The following TOP1 variants were observed in gnomAD, a reference collection of about 807,000 sequenced individuals.
TOP1 encodes the protein DNA topoisomerase I.
A neutral mutation model predicts 111.1 loss-of-function variants in TOP1; 10 were observed. The ratio of observed to expected loss-of-function variants is 0.09; its 90% CI spans 0.06 to 0.15. The LOEUF is 0.15. Ranked by LOEUF, TOP1 falls within the 10% of genes least tolerant of loss-of-function variation. The pLI is 1.00. For missense variants in TOP1, 474 were observed against 926.7 expected, an observed-to-expected ratio of 0.51 and a Z score of 6.34; for synonymous variants, 271 against 302.9, an observed-to-expected ratio of 0.89 and a Z score of 1.10.
At position 41,097,126 on chromosome 20, in the gene TOP1, C is replaced by A; in HGVS notation, c.731-94C>A. The stretch of plus-strand genomic sequence containing the variant: ...CAGACCTTTATATACCATGAGAAGG[C>A]AAACCATTATTAAAGAGAATTCGCT... On this transcript the variant is annotated intron_variant, in intron 9 of 20. Transcript: ENST00000361337. The surrounding 1 kb of genome is among the most constrained non-coding windows in gnomAD (Gnocchi z 4.2). 3 of 1,413,646 alleles carry A rather than the reference C, an allele frequency of 2.1e-6. No individual in the cohort carries two copies. The highest frequency in any genetic ancestry group is 1.3e-5 in the South Asian group (1 of 74,634). 87.6% of individuals were successfully genotyped at this position (1,413,646 alleles called of 1,614,324 possible). A position where few individuals can be genotyped will look rare whatever the true frequency, so the allele number is the denominator to read the frequency against.
Position 41,122,270 on chromosome 20 carries a change from G to A in TOP1, c.2195+115G>A. ...CCTAAGCTACACACTTTAGTCCTCTGGGGAAACTTCTGGCTTCAGCTGTGT... is the reference window on the plus strand; with the variant it reads ...CCTAAGCTACACACTTTAGTCCTCTAGGGAAACTTCTGGCTTCAGCTGTGT... On this transcript the variant is annotated intron_variant, in intron 20 of 20. Coordinates refer to ENST00000361337, the MANE Select transcript of TOP1 (RefSeq NM_003286.4). The surrounding 1 kb of genome is among the most constrained non-coding windows in gnomAD (Gnocchi z 5.4). 1 of 1,125,764 alleles carries A rather than the reference G, an allele frequency of 8.9e-7. No individual in the cohort carries two copies. The highest frequency in any genetic ancestry group is 1.3e-6 in the Non-Finnish European group (1 of 775,394). 69.7% of individuals were successfully genotyped at this position (1,125,764 alleles called of 1,614,324 possible).
intron 2 of TOP1, among the ~76,000 whole-genome samples, chr20:41,036,346 A>G (rs914448794): frequency 5.9e-5 from 9 of 152,208 alleles, no homozygotes; most frequent in African/African-American, 2.2e-4. Context: ...AGCTGTGGTA[A>G]AATAGAAAAT....
chr20:41,117,411 G>A (rs1366828164), intron 17 of TOP1, among the ~76,000 whole-genome samples: 10 of 110,756 alleles, frequency 9.0e-5, no homozygotes, highest in East Asian at 4.8e-4. Flanking sequence ...TTTTTGAGAC[G>A]GAGTCTTGCT....
At chr20:41,064,606 C>T (rs143043568) in intron 3 of TOP1, among the ~76,000 whole-genome samples, 104 of 152,218 alleles carry the variant, frequency 6.8e-4, no homozygotes, top group African/African-American at 2.4e-3. Context: ...TTTCTGATGC[C>T]GCTAAGCCTT....
At chr20:41,099,983 C>CA (rs2145951623) in intron 11 of TOP1, 73 bp from the exon 12 acceptor site, 1 of 1,060,634 alleles carries the variant, frequency 9.4e-7, no homozygotes, top group African/African-American at 1.6e-5. Context: ...CTTAGTCTCC[C>CA]ACAAGAGATA....
chr20:41,099,392 C>T (rs1015184272), intron 11 of TOP1, among the ~76,000 whole-genome samples: 1 of 152,160 alleles, frequency 6.6e-6, no homozygotes, highest in African/African-American at 2.4e-5. Context: ...TTATAAACAT[C>T]CCCTTGTCAG....
At chr20:41,076,686 T>G (rs1007597488) in intron 4 of TOP1, among the ~76,000 whole-genome samples, 2 of 152,204 alleles carry the variant, frequency 1.3e-5, no homozygotes, top group Non-Finnish European at 2.9e-5. Flanking sequence ...AGTGCAAGCC[T>G]TCTAAAAATG....
rs2145963971 is a variant in TOP1, at chr20:41,112,779, C to T, written c.1309-3C>T. The T allele has an allele frequency of 6.2e-7, 1 of 1,614,000 alleles. No homozygotes were observed. The highest frequency in any genetic ancestry group is 8.5e-7 in the Non-Finnish European group (1 of 1,179,934). On this transcript the variant is annotated splice_region_variant and splice_polypyrimidine_tract_variant and intron_variant, in intron 13 of 20. Transcript: ENST00000361337. This position sits in a 1 kb window ranked among gnomAD's most constrained non-coding sequence, Gnocchi z 5.8. Reference sequence around the variant, plus strand: ...ATCTACATTTGGGTTTGGGTCTTTACAGGGTGAGAAGGACTGGCAGAAATA... The same window carrying T: ...ATCTACATTTGGGTTTGGGTCTTTATAGGGTGAGAAGGACTGGCAGAAATA...
Position 41,114,721 on chromosome 20 carries a change from G to A in TOP1, c.1638+566G>A, listed in dbSNP as rs2034301486. 6.6e-6 allele frequency among the ~76,000 whole-genome samples: 1 copy of A among 152,208 alleles called. No homozygotes were observed. The highest frequency in any genetic ancestry group is 1.5e-5 in the Non-Finnish European group (1 of 68,040). The stretch of plus-strand genomic sequence containing the variant: ...AGTGAAAGGTTAATGTTAGTCCCCA[G>A]ATCTCTGAGCCCATCACTGAAGAGG... On this transcript the variant is annotated intron_variant, in intron 15 of 20. Transcript: ENST00000361337. The surrounding 1 kb of genome is among the most constrained non-coding windows in gnomAD (Gnocchi z 4.5).
At chr20:41,040,126 A>G (rs554775455) in intron 2 of TOP1, among the ~76,000 whole-genome samples, 1 of 152,364 alleles carries the variant, frequency 6.6e-6, no homozygotes, top group South Asian at 2.1e-4. Context: ...CTCTACTTAA[A>G]GTCCTGGGAA....
rs2034258806 is a variant in TOP1 at position 41,112,517 on chromosome 20, C to T, written c.1309-265C>T. Among the ~76,000 whole-genome samples, 1 of 152,226 alleles carries T rather than the reference C, an allele frequency of 6.6e-6. No individual in the cohort carries two copies. Among genetic ancestry groups the T allele is most frequent in the Non-Finnish European group, 1.5e-5 (1 of 68,038 alleles). ...GGTTAAATGTGCCAAACTCTCTCTT[C>T]AGTACTATTCTTTTTTACGTTTGCT... On this transcript the variant is annotated intron_variant, in intron 13 of 20. Coordinates refer to ENST00000361337, the MANE Select transcript of TOP1 (RefSeq NM_003286.4). This position sits in a 1 kb window ranked among gnomAD's most constrained non-coding sequence, Gnocchi z 5.8.
chr20:41,096,223 C>T lies in TOP1; in HGVS notation c.731-997C>T, dbSNP rs1294329299. On this transcript the variant is annotated intron_variant, in intron 9 of 20. Transcript: ENST00000361337. ...CTGGAGTTACAGGCTCCCACCACCACGCCCGGCTAATTTTTTATATTTTTA... is the reference window on the plus strand; with the variant it reads ...CTGGAGTTACAGGCTCCCACCACCATGCCCGGCTAATTTTTTATATTTTTA... Among the ~76,000 whole-genome samples, 10 of 152,262 alleles carry T rather than the reference C, an allele frequency of 6.6e-5. No individual in the cohort carries two copies. In the South Asian group the frequency reaches 8.3e-4, roughly 13 times the overall value.
rs1041219713 is a variant in TOP1, at chr20:41,032,743, T to C, written c.58+3288T>C. On this transcript the variant is annotated intron_variant, in intron 2 of 20. Coordinates refer to ENST00000361337, the MANE Select transcript of TOP1 (RefSeq NM_003286.4). This position sits in a 1 kb window ranked among gnomAD's most constrained non-coding sequence, Gnocchi z 4.3. ...TGGAATCAAATTGGATGAAGGTAAT[T>C]AAATATGAATTGTTTCTGATGCTAA... is the stretch of plus-strand genomic sequence containing the variant. Among the ~76,000 whole-genome samples the C allele has an allele frequency of 6.6e-6, 1 of 152,208 alleles. No homozygotes were observed. Among genetic ancestry groups the C allele is most frequent in the Non-Finnish European group, 1.5e-5 (1 of 68,034 alleles).
rs1397983852 is a variant in TOP1 at position 41,116,622 on chromosome 20, A to C, written c.1822+230A>C. ...AAGATTAATTTCATGGAATGCTGAC[A>C]GCTTTTCACCTGCTACAAAAATGCC... On this transcript the variant is annotated intron_variant, in intron 17 of 20. Coordinates refer to ENST00000361337, the MANE Select transcript of TOP1 (RefSeq NM_003286.4). The surrounding 1 kb of genome is among the most constrained non-coding windows in gnomAD (Gnocchi z 5.6). Among the ~76,000 whole-genome samples the C allele has an allele frequency of 2.0e-5, 3 of 152,216 alleles. No individual in the cohort carries two copies.
At chr20:41,105,564 C>G (rs1051745806) in intron 13 of TOP1, among the ~76,000 whole-genome samples, 1 of 152,234 alleles carries the variant, frequency 6.6e-6, no homozygotes, top group Non-Finnish European at 1.5e-5. Context: ...GTGGCGTGAT[C>G]TTGGCTCACT....
At chr20:41,088,220 C>T (rs1381442229) in intron 8 of TOP1, among the ~76,000 whole-genome samples, 5 of 152,150 alleles carry the variant, frequency 3.3e-5, no homozygotes, top group East Asian at 1.9e-4. Context: ...ACTGTAGGGC[C>T]GGGCGTGGTG....
In TOP1 at chr20:41,056,145, G is replaced by A. The variant is rs530812405; in HGVS notation, c.59-5249G>A. 2.0e-5 allele frequency among the ~76,000 whole-genome samples: 3 copies of A among 152,218 alleles called. No individual in the cohort carries two copies. In the South Asian group the frequency reaches 6.2e-4, roughly 32 times the overall value. Reference sequence around the variant, plus strand: ...AGCAAATTCCAGGCATCGCTTACATGGAAGTACTTCAGTATTCATCTTTAG... The same window carrying A: ...AGCAAATTCCAGGCATCGCTTACATAGAAGTACTTCAGTATTCATCTTTAG... On this transcript the variant is annotated intron_variant, in intron 2 of 20. Transcript: ENST00000361337.
chr20:41,077,041 CT>C (rs2033736142), intron 4 of TOP1, among the ~76,000 whole-genome samples: 1 of 152,124 alleles, frequency 6.6e-6, no homozygotes. Flanking sequence ...CATGAGTATA[CT>C]TTGCCTAAGT....
rs1265418870 is a variant in TOP1 at position 41,110,245 on chromosome 20, A to G, written c.1309-2537A>G. 6.6e-6 allele frequency among the ~76,000 whole-genome samples: 1 copy of G among 152,190 alleles called. No homozygotes were observed. Among genetic ancestry groups the G allele is most frequent in the Non-Finnish European group, 1.5e-5 (1 of 68,028 alleles). On this transcript the variant is annotated intron_variant, in intron 13 of 20. Transcript: ENST00000361337. The surrounding 1 kb of genome is among the most constrained non-coding windows in gnomAD (Gnocchi z 4.2). ...GGTTGCACTGAGCCGAGATTGCATC[A>G]CTGTACTCCAGCCTGGTGACAGAGC...
Sources: allele counts gnomAD v4.1 joint callset (sites outside exome capture counted in the v4.1 genomes callset), GRCh38; gene constraint gnomAD v4.1.1; non-coding constraint Gnocchi (gnomAD v3.1); transcripts MANE v1.5; gene names NCBI Gene and HGNC (gene_info 2026-07-23, HGNC 2026-07-21).